The following SMOC1 variants were observed in gnomAD, a reference collection of about 807,000 sequenced individuals.
The protein encoded by SMOC1 is SPARC-related modular calcium-binding protein 1.
In SMOC1, 22 loss-of-function variants were observed where a neutral mutation model predicts 56.3. The ratio of observed to expected loss-of-function variants is 0.39; its 90% CI spans 0.28 to 0.56. The LOEUF (loss-of-function observed/expected upper bound fraction) is 0.56. Among genes scored for constraint, SMOC1 ranks in the 20% least tolerant of loss-of-function variants. The probability of loss-of-function intolerance (pLI) is 0.61; values close to 1 mark genes in which losing one functional copy is unlikely to be tolerated. For missense variants in SMOC1, 509 were observed against 565.4 expected (o/e 0.90, Z 1.01); for synonymous variants, 193 against 215.0 (o/e 0.90, Z 0.89).
intron 1 of SMOC1, among the ~76,000 whole-genome samples, chr14:69,891,716 A>T (rs2139303753): frequency 6.6e-6 from 1 of 152,262 alleles, no homozygotes; most frequent in East Asian, 1.9e-4. Context: ...TCCCTGGATG[A>T]TCATGAATGA....
rs1215383047 is a variant in SMOC1 at position 69,884,522 on chromosome 14, T to C, written c.99+4745T>C. ...TTTTGAGGTCCCCAAACCAAAGTCA[T>C]GGAGCTTTCCCCCTATGTTTTCTTT... On this transcript the variant is annotated intron_variant, in intron 1 of 11. Transcript: ENST00000361956. Among the ~76,000 whole-genome samples the C allele has an allele frequency of 3.9e-5, 6 of 152,190 alleles. No individual in the cohort carries two copies. The East Asian group carries it at 9.6e-4, about 24-fold the overall frequency.
chr14:69,987,503 C>A (rs1347092995), intron 5 of SMOC1, among the ~76,000 whole-genome samples: 1 of 152,162 alleles, frequency 6.6e-6, no homozygotes, highest in African/African-American at 2.4e-5. Flanking sequence ...AGAATAAACT[C>A]ATTGTACACC....
chr14:70,011,448 G>A (rs752388791), intron 8 of SMOC1, 37 bp from the exon 9 acceptor site: 2 of 1,356,896 alleles, frequency 1.5e-6, no homozygotes, highest in South Asian at 2.3e-5. Flanking sequence ...TCAGTTGCCA[G>A]CCCCTCCCAA....
chr14:69,942,175 C>A (rs149355265), intron 1 of SMOC1, among the ~76,000 whole-genome samples: 68 of 152,204 alleles, frequency 4.5e-4, no homozygotes, highest in African/African-American at 1.6e-3. Context: ...AATGCAGCCC[C>A]AGTGGAGATA....
chr14:69,945,670 G>A (rs1352688846), intron 1 of SMOC1, among the ~76,000 whole-genome samples: 2 of 152,216 alleles, frequency 1.3e-5, no homozygotes, highest in Non-Finnish European at 2.9e-5. Flanking sequence ...CAATAGATAA[G>A]TGAAGCAAAA....
chr14:69,945,577 T>A (rs66753086), intron 1 of SMOC1, among the ~76,000 whole-genome samples: 10,919 of 152,318 alleles, frequency 0.072, 651 homozygotes, highest in Admixed American at 0.19. Context: ...ACCTCCTAGC[T>A]GAGCCCAGCC....
chr14:69,927,537 G>A (rs999379503), intron 1 of SMOC1, among the ~76,000 whole-genome samples: 3 of 152,200 alleles, frequency 2.0e-5, no homozygotes, highest in Admixed American at 2.0e-4. Flanking sequence ...TTAGCTGGGT[G>A]TGGTGGTGAG....
At chr14:69,977,482 G>A (rs958247681) in intron 4 of SMOC1, among the ~76,000 whole-genome samples, 1 of 152,320 alleles carries the variant, frequency 6.6e-6, no homozygotes, top group Middle Eastern at 3.4e-3. Flanking sequence ...AACCAGCAAG[G>A]GATGTCAATC....
Position 69,879,589 on chromosome 14 carries a change from C to T in SMOC1, c.-90C>T. 3.8e-6 allele frequency: 4 copies of T among 1,064,422 alleles called. No individual in the cohort carries two copies. Among genetic ancestry groups the T allele is most frequent in the Non-Finnish European group, 5.0e-6 (4 of 807,012 alleles). The allele number at this position is 1,064,422 out of a possible 1,614,324, so 65.9% of individuals were successfully genotyped here. On this transcript the variant is annotated 5_prime_UTR_variant, in exon 1 of 12. Transcript: ENST00000361956. ...GCCCGCTCCCCGCCGCCGCGAGGGCCCCGAGCGAAGGAAGGAAGGGAGGCG... is the reference window on the plus strand; with the variant it reads ...GCCCGCTCCCCGCCGCCGCGAGGGCTCCGAGCGAAGGAAGGAAGGGAGGCG...
At position 69,953,509 on chromosome 14, in the gene SMOC1, G is replaced by A. The variant is rs147017424; in HGVS notation, c.355G>A (p.Gly119Ser). ...PQEAVFVPECGEDGSFTQVQC... is the reference protein window; with the variant it reads ...PQEAVFVPECSEDGSFTQVQC... ...GGAAGCTGTGTTTGTCCCAGAGTGT[G>A]GCGAGGATGGCTCCTTTACCCAGGT... Residue 119 changes from glycine (G) to serine (S), a missense_variant, in exon 3 of 12, where the codon GGC becomes AGC. Coordinates refer to ENST00000361956, the MANE Select transcript of SMOC1 (RefSeq NM_001034852.3). 120 of 1,614,114 alleles carry A rather than the reference G, an allele frequency of 7.4e-5. No homozygotes were observed. The highest frequency in any genetic ancestry group is 5.0e-5 in the Admixed American group (3 of 60,012).
At chr14:69,882,049 GA>G (rs1883655604) in intron 1 of SMOC1, among the ~76,000 whole-genome samples, 1 of 152,174 alleles carries the variant, frequency 6.6e-6, no homozygotes. Flanking sequence ...ACAGAACCCG[GA>G]TACATCAGGG....
intron 1 of SMOC1, among the ~76,000 whole-genome samples, chr14:69,935,278 T>G (rs141302689): frequency 4.5e-4 from 68 of 152,302 alleles, no homozygotes; most frequent in African/African-American, 1.6e-3. Flanking sequence ...CAGAGATGCT[T>G]TTAAATGCAC....
At chr14:69,948,528 T>C (rs7157956) in intron 1 of SMOC1, among the ~76,000 whole-genome samples, 74,349 of 151,924 alleles carry the variant, frequency 0.49, 19,366 homozygotes, top group African/African-American at 0.67. Flanking sequence ...TCTCTCTCAG[T>C]GTAGAGCAAT....
chr14:69,942,870 G>C (rs562460091), intron 1 of SMOC1, among the ~76,000 whole-genome samples: 1 of 152,278 alleles, frequency 6.6e-6, no homozygotes, highest in South Asian at 2.1e-4. Flanking sequence ...GTTCTTATTA[G>C]GGTCTCTTTA....
chr14:69,903,187 G>C (rs1194713971), intron 1 of SMOC1, among the ~76,000 whole-genome samples: 1 of 151,354 alleles, frequency 6.6e-6, no homozygotes, highest in Admixed American at 6.6e-5. Context: ...GTCTCTGCCC[G>C]GCCACCCATC....
chr14:69,932,325 C>T (rs533203464), intron 1 of SMOC1, among the ~76,000 whole-genome samples: 7 of 152,296 alleles, frequency 4.6e-5, no homozygotes, highest in South Asian at 2.1e-4. Context: ...GTAGAATGCA[C>T]GACTATGTTA....
chr14:69,922,932 C>CTTTTTTTTTT (rs536127994), intron 1 of SMOC1, among the ~76,000 whole-genome samples: 1 of 147,702 alleles, frequency 6.8e-6, no homozygotes, highest in African/African-American at 2.6e-5. Flanking sequence ...TCTCAGCCCT[C>CTTTTTTTTTT]TTTTTTTTGT....
At chr14:69,960,943 T>A (rs1292446811) in intron 3 of SMOC1, among the ~76,000 whole-genome samples, 3 of 152,172 alleles carry the variant, frequency 2.0e-5, no homozygotes, top group African/African-American at 7.2e-5. Flanking sequence ...GTTACCATTT[T>A]AAAATATGCT....
At position 69,980,862 on chromosome 14, in the gene SMOC1, G is replaced by A. The variant is rs548426505; in HGVS notation, c.526+2897G>A. Among the ~76,000 whole-genome samples the A allele has an allele frequency of 2.6e-4, 39 of 152,278 alleles. No individual in the cohort carries two copies. The South Asian group carries it at 7.9e-3, about 31-fold the overall frequency. On this transcript the variant is annotated intron_variant, in intron 5 of 11. Transcript: ENST00000361956. ...CCAGAGGTCTGGAGGTGTGAGTGGT[G>A]GGGGATGGCAGGGCAAGGACGGGAC...
Sources: allele counts gnomAD v4.1 joint callset (sites outside exome capture counted in the v4.1 genomes callset), GRCh38; gene constraint gnomAD v4.1.1; transcripts MANE v1.5; gene names NCBI Gene and HGNC (gene_info 2026-07-23, HGNC 2026-07-21).